The following MRTFB variants were observed in gnomAD, a reference collection of about 807,000 sequenced individuals.
MRTFB encodes the protein myocardin related transcription factor B, also known as myocardin-related transcription factor B.
A neutral mutation model predicts 104.2 loss-of-function variants in MRTFB; 29 were observed. The ratio of observed to expected loss-of-function variants is 0.28; its 90% CI spans 0.21 to 0.38. The LOEUF is 0.38. MRTFB is among the 10% of genes least tolerant of loss of function. The probability of loss-of-function intolerance (pLI) is 1.00; values close to 1 mark genes in which losing one functional copy is unlikely to be tolerated. For synonymous variants in MRTFB, 535 were observed against 519.5 expected (o/e 1.03, Z -0.41); for missense variants, 1,270 against 1,341.6 (o/e 0.95, Z 0.83).
intron 3 of MRTFB, among the ~76,000 whole-genome samples, chr16:14,208,249 T>A (rs915360785): frequency 6.6e-6 from 1 of 152,200 alleles, no homozygotes; most frequent in Non-Finnish European, 1.5e-5. Context: ...CAATGTACAA[T>A]CAAGAGATGC....
chr16:14,049,464 A>G, the MRTFB span, among the ~76,000 whole-genome samples: 1 of 152,334 alleles, frequency 6.6e-6, no homozygotes, highest in Non-Finnish European at 1.5e-5. Flanking sequence ...TGCTAAAAAG[A>G]GTTAGGTCAA....
chr16:14,076,223 ACT>A (rs1423731747), intron 1 of MRTFB, among the ~76,000 whole-genome samples: 1 of 151,800 alleles, frequency 6.6e-6, no homozygotes, highest in Non-Finnish European at 1.5e-5. Flanking sequence ...ACAGAATCTC[ACT>A]CTGTCACCCA....
At chr16:14,227,429 C>T (rs927417751) in intron 8 of MRTFB, among the ~76,000 whole-genome samples, 2 of 152,210 alleles carry the variant, frequency 1.3e-5, no homozygotes, top group African/African-American at 2.4e-5. Context: ...GCCAGATGCA[C>T]ATGCTGGTGC....
the MRTFB span, among the ~76,000 whole-genome samples, chr16:14,060,540 G>C: frequency 5.9e-5 from 9 of 151,978 alleles, no homozygotes; most frequent in African/African-American, 2.2e-4. Context: ...AATCTACGTA[G>C]CCCTCAAGGG....
At chr16:14,063,720 G>C in the MRTFB span, among the ~76,000 whole-genome samples, 1 of 152,210 alleles carries the variant, frequency 6.6e-6, no homozygotes, top group Non-Finnish European at 1.5e-5. Context: ...CCCAGTGCTA[G>C]GTCAAGGATG....
intron 8 of MRTFB, among the ~76,000 whole-genome samples, chr16:14,226,688 G>T (rs558878124): frequency 6.6e-6 from 1 of 152,042 alleles, no homozygotes; most frequent in Non-Finnish European, 1.5e-5. Context: ...TCCTCAAAAC[G>T]TTTTGGCCAG....
At chr16:14,154,906 A>G (rs1478556509) in intron 3 of MRTFB, among the ~76,000 whole-genome samples, 1 of 152,224 alleles carries the variant, frequency 6.6e-6, no homozygotes, top group East Asian at 1.9e-4. Context: ...CTGGCAAGAC[A>G]GAGTGATAAT....
intron 2 of MRTFB, among the ~76,000 whole-genome samples, chr16:14,093,049 C>G (rs2035173212): frequency 6.6e-6 from 1 of 152,152 alleles, no homozygotes; most frequent in Non-Finnish European, 1.5e-5. Flanking sequence ...GAACACTAGG[C>G]TAGACATGGA....
At position 14,189,005 on chromosome 16, in the gene MRTFB, T is replaced by C. The variant is rs141065615; in HGVS notation, c.155-21238T>C. ...GATAAAATTAATGTCTCACTGTAGTTGCACTGAACTGGGTTTTGCTTTATA... is the reference window on the plus strand; with the variant it reads ...GATAAAATTAATGTCTCACTGTAGTCGCACTGAACTGGGTTTTGCTTTATA... On this transcript the variant is annotated intron_variant, in intron 3 of 16. Coordinates refer to ENST00000571589, the MANE Select transcript of MRTFB (RefSeq NM_001308142.2). 2.3e-3 allele frequency among the ~76,000 whole-genome samples: 353 copies of C among 152,334 alleles called. 2 individuals are homozygous for C. The highest frequency in any genetic ancestry group is 8.3e-3 in the African/African-American group (344 of 41,594).
chr16:14,233,078 A>G lies in MRTFB; in HGVS notation c.694-1068A>G, dbSNP rs141099086. Among the ~76,000 whole-genome samples the G allele has an allele frequency of 7.9e-3, 1,207 of 152,302 alleles. 13 individuals are homozygous for G. The highest frequency in any genetic ancestry group is 0.014 in the Middle Eastern group (4 of 294). On this transcript the variant is annotated intron_variant, in intron 8 of 16. Transcript: ENST00000571589. ...AATAAAATACTTAAAATCTATGTAA[A>G]GTAGATTGCTAGTGAGAATTGATAA...
chr16:14,081,986 T>C (rs1462756097), intron 2 of MRTFB, among the ~76,000 whole-genome samples: 1 of 152,214 alleles, frequency 6.6e-6, no homozygotes. Flanking sequence ...CTCCCATTCT[T>C]TAGGAAGTTT....
chr16:14,077,757 C>G (rs546988390), intron 1 of MRTFB, among the ~76,000 whole-genome samples: 2 of 152,176 alleles, frequency 1.3e-5, no homozygotes, highest in Non-Finnish European at 2.9e-5. Flanking sequence ...TGCCCTTGGT[C>G]CACTCCCACC....
chr16:14,245,743 A>T, intron 11 of MRTFB, 83 bp downstream of exon 11: 1 of 1,387,704 alleles, frequency 7.2e-7, no homozygotes, highest in Non-Finnish European at 9.8e-7. Context: ...GCAGACATTA[A>T]GTAGTTTTCA....
chr16:14,068,273 G>A (rs1224942822), upstream of MRTFB, among the ~76,000 whole-genome samples: 2 of 152,194 alleles, frequency 1.3e-5, no homozygotes, highest in African/African-American at 4.8e-5. Context: ...GCTTAATCTT[G>A]TAAGGCACTT....
intron 14 of MRTFB, 92 bp downstream of exon 14, chr16:14,252,115 T>C: frequency 7.2e-7 from 1 of 1,396,224 alleles, no homozygotes; most frequent in Non-Finnish European, 9.8e-7. Flanking sequence ...GTGACTAATG[T>C]TAATGGGATA....
intron 2 of MRTFB, among the ~76,000 whole-genome samples, chr16:14,095,290 T>G (rs1187532396): frequency 6.6e-6 from 1 of 152,208 alleles, no homozygotes; most frequent in Admixed American, 6.5e-5. Flanking sequence ...CAGGCAAGTG[T>G]GGTTCCACTT....
intron 15 of MRTFB, among the ~76,000 whole-genome samples, chr16:14,257,680 CAT>C (rs1597393952): frequency 6.6e-6 from 1 of 152,158 alleles, no homozygotes. Context: ...TATGTCAAAA[CAT>C]ATCAAATTGT....
At chr16:14,234,020 C>A in intron 8 of MRTFB, 126 bp from the exon 9 acceptor site, 1 of 1,153,634 alleles carries the variant, frequency 8.7e-7, no homozygotes, top group South Asian at 1.5e-5. Context: ...CAGACATAAT[C>A]ATATATTTTT....
chr16:14,055,998 A>C, the MRTFB span, among the ~76,000 whole-genome samples: 1 of 151,946 alleles, frequency 6.6e-6, no homozygotes, highest in Non-Finnish European at 1.5e-5. Context: ...TTTGTTTTTG[A>C]GACAGAGTCT....
Sources: gnomAD v4.1 joint callset for allele counts (sites outside exome capture counted in the v4.1 genomes callset) on GRCh38, gnomAD v4.1.1 for gene constraint, MANE v1.5 for transcripts, NCBI Gene and HGNC (gene_info 2026-07-23, HGNC 2026-07-21) for gene names.